CHD9: variants seen among roughly 807,000 people sequenced by gnomAD.
The protein encoded by CHD9 is chromodomain helicase DNA binding protein 9, also known as ATP-dependent chromatin remodeler CHD9.
A neutral mutation model predicts 316.1 loss-of-function variants in CHD9; 77 were observed. The ratio of observed to expected loss-of-function variants is 0.24; its 90% CI spans 0.20 to 0.29. CHD9 has a LOEUF of 0.29. Among genes scored for constraint, CHD9 ranks in the 10% least tolerant of loss-of-function variants. CHD9 has a pLI of 1.00. For synonymous variants in CHD9, 1,129 were observed against 1,158.3 expected (o/e 0.97, Z 0.51); for missense variants, 2,763 against 3,438.1 (o/e 0.80, Z 4.91).
At chr16:53,198,452 A>G (rs977569386) in intron 2 of CHD9, among the ~76,000 whole-genome samples, 4 of 149,958 alleles carry the variant, frequency 2.7e-5, no homozygotes, top group Non-Finnish European at 5.9e-5. Context: ...TCAGCCTCCC[A>G]AGTAGCTGGG....
intron 1 of CHD9, among the ~76,000 whole-genome samples, chr16:53,143,945 GCCCATGA>G (rs1409960741): frequency 2.0e-5 from 3 of 151,926 alleles, no homozygotes; most frequent in Admixed American, 6.6e-5. Context: ...CCTGATTCTT[GCCCATGA>G]CCCAAACATT....
In CHD9 at chr16:53,235,210, A is replaced by G; in HGVS notation, c.2537A>G (p.Lys846Arg). The change falls in exon 11 of 39, where the codon AAG (lysine) becomes AGG (arginine). Residue 846 changes from lysine to arginine, a missense_variant. Physicochemically the swap from Lys to Arg is conservative, Grantham distance 26. Transcript: ENST00000447540. ...GACCGTCCTCCTTCTAATATTTGGA[A>G]GAAAATAGATCAATCCAGGGACTAT... ...RLDRPPSNIWKKIDQSRDYKN... is the reference protein window; with the variant it reads ...RLDRPPSNIWRKIDQSRDYKN... 6.4e-7 allele frequency: 1 copy of G among 1,555,424 alleles called. No individual in the cohort carries two copies.
At chr16:53,260,737 T>G (rs925473291) in intron 19 of CHD9, among the ~76,000 whole-genome samples, 3 of 152,164 alleles carry the variant, frequency 2.0e-5, no homozygotes, top group African/African-American at 7.2e-5. Flanking sequence ...TTCTTCCACT[T>G]CCTAAGACTG....
intron 1 of CHD9, among the ~76,000 whole-genome samples, chr16:53,089,223 C>T (rs2035731482): frequency 6.6e-6 from 1 of 151,804 alleles, no homozygotes; most frequent in Non-Finnish European, 1.5e-5. Context: ...GAGGTCGAGA[C>T]TGCAGTGAGC....
intron 11 of CHD9, among the ~76,000 whole-genome samples, chr16:53,236,053 C>T (rs948348593): frequency 2.0e-5 from 3 of 152,052 alleles, no homozygotes; most frequent in East Asian, 1.9e-4. Flanking sequence ...TGGACTCAGT[C>T]GATGGAAAGA....
Position 53,267,895 on chromosome 16 carries a change from A to C in CHD9, c.4518-32A>C, listed in dbSNP as rs765873157. The C allele has an allele frequency of 2.5e-6, 4 of 1,569,818 alleles. No homozygotes were observed. In the South Asian group the frequency reaches 4.5e-5, roughly 18 times the overall value. On this transcript the variant is annotated intron_variant, in intron 21 of 38. Coordinates refer to ENST00000447540, the MANE Select transcript of CHD9 (RefSeq NM_001308319.2). Reference sequence around the variant, plus strand: ...AATATTTTTCTCTAGAACTTGACTCAATATCAATGTAACTATACCTTTTTT... The same window carrying C: ...AATATTTTTCTCTAGAACTTGACTCCATATCAATGTAACTATACCTTTTTT...
At chr16:53,228,771 C>A (rs1171916741) in intron 7 of CHD9, among the ~76,000 whole-genome samples, 1 of 152,054 alleles carries the variant, frequency 6.6e-6, no homozygotes, top group Non-Finnish European at 1.5e-5. Context: ...TTCTATATGG[C>A]AAATTGTATA....
At chr16:53,275,802 C>T (rs2052751075) in intron 24 of CHD9, among the ~76,000 whole-genome samples, 1 of 152,138 alleles carries the variant, frequency 6.6e-6, no homozygotes, top group Non-Finnish European at 1.5e-5. Flanking sequence ...CCTCTTATTA[C>T]AATTAAAGAA....
At position 53,156,967 on chromosome 16, in the gene CHD9, T is replaced by G. The variant is rs2152747147; in HGVS notation, c.878T>G (p.Leu293Arg). ...AGTCTACTTCAGTCCTCTGCAGTTC[T>G]TGCATCTAATCATACAAATCAGACT... ...PNSLLQSSAV[L>R]ASNHTNQTLS... Residue 293 changes from leucine to arginine, a missense_variant, in exon 2 of 39, where the codon CTT becomes CGT. By Grantham distance (102) the Leu-to-Arg change is moderately radical. Around this residue, in one of 15 missense-constraint regions of CHD9, gnomAD observed 859 missense variants for 890.4 expected, o/e 0.96. Transcript: ENST00000447540. 6.2e-7 allele frequency: 1 copy of G among 1,613,042 alleles called. No individual in the cohort carries two copies.
In CHD9 at chr16:53,157,527, T is replaced by C. The variant is rs2041602098; in HGVS notation, c.1438T>C (p.Cys480Arg). The C allele has an allele frequency of 3.7e-6, 6 of 1,611,882 alleles. No individual in the cohort carries two copies. The highest frequency in any genetic ancestry group is 3.3e-5 in the South Asian group (3 of 90,990). ...HQHLHDRNHL[C>R]LQRQPPSSKK... ...GCATTTACATGACAGAAATCACCTA[T>C]GTTTACAGCGACAGGTATGTAGCTC... is the stretch of plus-strand genomic sequence containing the variant. Residue 480 changes from cysteine (C) to arginine (R), a missense_variant, in exon 2 of 39, where the codon TGT becomes CGT. By Grantham distance (180) the Cys-to-Arg change is radical. Around this residue, in one of 15 missense-constraint regions of CHD9, gnomAD observed 859 missense variants for 890.4 expected, o/e 0.96. Coordinates refer to ENST00000447540, the MANE Select transcript of CHD9 (RefSeq NM_001308319.2).
intron 1 of CHD9, among the ~76,000 whole-genome samples, chr16:53,126,162 AGAG>A (rs1026847131): frequency 1.3e-5 from 2 of 152,080 alleles, no homozygotes; most frequent in Non-Finnish European, 2.9e-5. Context: ...TTTTCCTCTT[AGAG>A]TTTTATAGCT....
rs1158365190 is a variant in CHD9, at chr16:53,245,553, T to C, written c.3199-42T>C. On this transcript the variant is annotated intron_variant, in intron 14 of 38. Transcript: ENST00000447540. This position sits in a 1 kb window ranked among gnomAD's most constrained non-coding sequence, Gnocchi z 4.1. ...TAATTATTTTGTATGTGTAATTAAA[T>C]GCTCACTTATGTTATATGTCTTTTT... 2.0e-6 allele frequency: 3 copies of C among 1,534,670 alleles called. No homozygotes were observed. The highest frequency in any genetic ancestry group is 2.3e-5 in the East Asian group (1 of 43,956).
intron 1 of CHD9, among the ~76,000 whole-genome samples, chr16:53,070,489 T>TTTCCTTCCTTCC (rs61654246): frequency 3.5e-5 from 5 of 144,792 alleles, no homozygotes; most frequent in African/African-American, 8.0e-5. Context: ...TCTTTCTTTC[T>TTTCCTTCCTTCC]TTCCTTCCTT....
intron 20 of CHD9, among the ~76,000 whole-genome samples, chr16:53,267,000 G>A (rs553413133): frequency 1.3e-5 from 2 of 151,860 alleles, no homozygotes; most frequent in Non-Finnish European, 1.5e-5. Flanking sequence ...AAATTATAAG[G>A]CATAAATTCA....
At position 53,231,650 on chromosome 16, in the gene CHD9, G is replaced by A; in HGVS notation, c.2377G>A (p.Val793Ile). The A allele has an allele frequency of 6.3e-7, 1 of 1,577,334 alleles. No homozygotes were observed. The highest frequency in any genetic ancestry group is 8.6e-7 in the Non-Finnish European group (1 of 1,162,838). ...FCEDKDTGEP[V>I]IYYLVKWCSL... is the part of the protein sequence containing the mutation. ...AAATGAAAAAATTTTTTTACAGCCTGTTATTTACTACTTAGTAAAATGGTG... is the reference window on the plus strand; with the variant it reads ...AAATGAAAAAATTTTTTTACAGCCTATTATTTACTACTTAGTAAAATGGTG... Residue 793 changes from valine to isoleucine, a missense_variant, in exon 10 of 39, where the codon GTT becomes ATT. Val to Ile is a conservative substitution (Grantham distance 29, BLOSUM62 3). Around this residue, in one of 15 missense-constraint regions of CHD9, gnomAD observed 186 missense variants for 245.0 expected, o/e 0.76. Transcript: ENST00000447540.
At chr16:53,286,768 A>G (rs761871517) in intron 26 of CHD9, among the ~76,000 whole-genome samples, 3 of 152,222 alleles carry the variant, frequency 2.0e-5, no homozygotes, top group Non-Finnish European at 2.9e-5. Context: ...CTCTAGTCCT[A>G]TATATAAAAT....
At chr16:53,130,501 G>A (rs982051504) in intron 1 of CHD9, among the ~76,000 whole-genome samples, 3 of 149,696 alleles carry the variant, frequency 2.0e-5, no homozygotes, top group Non-Finnish European at 3.0e-5. Context: ...GGCGCGAGGG[G>A]AGAGGCCGCC....
chr16:53,321,506 A>T lies in CHD9; in HGVS notation c.7714-20A>T. 6.6e-7 allele frequency: 1 copy of T among 1,523,572 alleles called. No homozygotes were observed. Among genetic ancestry groups the T allele is most frequent in the African/African-American group, 1.4e-5 (1 of 73,098 alleles). The allele number at this position is 1,523,572 out of a possible 1,614,324, so 94.4% of individuals were successfully genotyped here. A position where few individuals can be genotyped will look rare whatever the true frequency, so the allele number is the denominator to read the frequency against. The stretch of plus-strand genomic sequence containing the variant: ...TCTATGTAACAGTGTTGTAGTATTT[A>T]ATCTGTTTCTAATTTACAGGTTGGA... On this transcript the variant is annotated intron_variant, in intron 37 of 38. Coordinates refer to ENST00000447540, the MANE Select transcript of CHD9 (RefSeq NM_001308319.2).
chr16:53,277,387 C>T (rs180926911), intron 24 of CHD9, among the ~76,000 whole-genome samples: 9 of 152,216 alleles, frequency 5.9e-5, no homozygotes, highest in Admixed American at 2.6e-4. Context: ...AATCCAGCAA[C>T]GTATCAAAAA....
Sources: allele counts gnomAD v4.1 joint callset (sites outside exome capture counted in the v4.1 genomes callset), GRCh38; gene constraint gnomAD v4.1.1; regional missense constraint gnomAD v4.1.1; non-coding constraint Gnocchi (gnomAD v3.1); transcripts MANE v1.5; gene names NCBI Gene and HGNC (gene_info 2026-07-23, HGNC 2026-07-21).